Variants in ZNF169 observed in about 807,000 individuals in gnomAD.
ZNF169 encodes zinc finger protein 169.
A neutral mutation model predicts 12.0 loss-of-function variants in ZNF169; 11 were observed. The ratio of observed to expected loss-of-function variants is 0.92; its 90% CI spans 0.58 to 1.52. The LOEUF (loss-of-function observed/expected upper bound fraction) is 1.52. Ranked by LOEUF, ZNF169 falls within the 40% of genes most tolerant of loss-of-function variation. The probability of loss-of-function intolerance (pLI) is 0.00; values close to 1 mark genes in which losing one functional copy is unlikely to be tolerated. For missense variants in ZNF169, 722 were observed against 744.0 expected (o/e 0.97, Z 0.34); for synonymous variants, 302 against 286.5 (o/e 1.05, Z -0.55).
chr9:94,300,586 A>G lies in ZNF169; in HGVS notation c.1028A>G (p.Glu343Gly). The stretch of plus-strand genomic sequence containing the variant: ...CTACACCAGAGGACGCACTTGGAGG[A>G]GAAGCCCTTCGTGTGTCCTGAGTGT... ...LLLHQRTHLEEKPFVCPECGR... is the reference protein window; with the variant it reads ...LLLHQRTHLEGKPFVCPECGR... Residue 343 changes from glutamate to glycine, a missense_variant, in exon 5 of 5, where the codon GAG (glutamate) becomes GGG (glycine). Glu to Gly is a moderately conservative substitution (Grantham distance 98). Transcript: ENST00000395395. 2 of 1,614,178 alleles carry G rather than the reference A, an allele frequency of 1.2e-6. No individual in the cohort carries two copies. Among genetic ancestry groups the G allele is most frequent in the South Asian group, 1.1e-5 (1 of 91,084 alleles).
At chr9:94,288,597 G>T in intron 2 of ZNF169, 1 of 418,754 alleles carries the variant, frequency 2.4e-6, no homozygotes, top group South Asian at 2.0e-5. Flanking sequence ...TATGACAGGG[G>T]CTCTGGTGCA....
At position 94,300,145 on chromosome 9, in the gene ZNF169, G is replaced by C. The variant is rs754242097; in HGVS notation, c.587G>C (p.Gly196Ala). 6.2e-7 allele frequency: 1 copy of C among 1,614,160 alleles called. No individual in the cohort carries two copies. The highest frequency in any genetic ancestry group is 1.3e-5 in the African/African-American group (1 of 75,050). The change falls in exon 5 of 5, where the codon GGG becomes GCG. Residue 196 changes from glycine (G) to alanine (A), a missense_variant. Physicochemically the swap from Gly to Ala is moderately conservative, Grantham distance 60. Coordinates refer to ENST00000395395, the MANE Select transcript of ZNF169 (RefSeq NM_194320.4). The part of the protein sequence containing the change: ...LRLAQRMSLG[G>A]SDTMLKGADT... Reference sequence around the variant, plus strand: ...CTGGCCCAAAGGATGAGTCTTGGGGGGTCAGACACAATGTTGAAGGGAGCA... The same window carrying C: ...CTGGCCCAAAGGATGAGTCTTGGGGCGTCAGACACAATGTTGAAGGGAGCA...
chr9:94,282,383 C>T (rs1202845361), intron 2 of ZNF169, among the ~76,000 whole-genome samples: 3 of 152,092 alleles, frequency 2.0e-5, no homozygotes, highest in Non-Finnish European at 4.4e-5. Context: ...CATGCGACGA[C>T]GTCAATCAAT....
intron 2 of ZNF169, among the ~76,000 whole-genome samples, chr9:94,282,358 T>C (rs1333403136): frequency 1.3e-5 from 2 of 152,188 alleles, no homozygotes; most frequent in Admixed American, 6.5e-5. Context: ...CTTAGTTTTA[T>C]ACATTTTAGG....
At chr9:94,265,198 G>A (rs919158042) in intron 1 of ZNF169, among the ~76,000 whole-genome samples, 5 of 151,836 alleles carry the variant, frequency 3.3e-5, no homozygotes, top group Admixed American at 1.3e-4. Context: ...GCCCAATAAC[G>A]AGATGCAGAT....
At chr9:94,292,750 A>G in intron 3 of ZNF169, 2 of 615,738 alleles carry the variant, frequency 3.2e-6, no homozygotes, top group Non-Finnish European at 5.7e-6. Flanking sequence ...AAGGAGGAAT[A>G]TTTTTATTGA....
At chr9:94,279,275 C>T (rs896250352) in intron 2 of ZNF169, among the ~76,000 whole-genome samples, 1 of 151,944 alleles carries the variant, frequency 6.6e-6, no homozygotes, top group Non-Finnish European at 1.5e-5. Context: ...CCTGTAATCC[C>T]AGCTACTAGG....
intron 1 of ZNF169, among the ~76,000 whole-genome samples, chr9:94,272,020 G>T (rs1399510091): frequency 6.6e-6 from 1 of 152,070 alleles, no homozygotes; most frequent in Non-Finnish European, 1.5e-5. Context: ...CAGATGTAGG[G>T]CCACTCAAAA....
chr9:94,291,400 T>C (rs2118639225), intron 2 of ZNF169, among the ~76,000 whole-genome samples: 1 of 152,278 alleles, frequency 6.6e-6, no homozygotes, highest in South Asian at 2.1e-4. Context: ...CTTCCATGAT[T>C]GGGAACAAAC....
At chr9:94,296,774 T>G (rs1381842750) in intron 4 of ZNF169, 1 of 457,028 alleles carries the variant, frequency 2.2e-6, no homozygotes, top group Non-Finnish European at 4.4e-6. Flanking sequence ...TATTAGGTCT[T>G]GAACTCACTG....
chr9:94,293,222 C>T (rs186536131), intron 4 of ZNF169, 153 bp downstream of exon 4: 44 of 701,526 alleles, frequency 6.3e-5, no homozygotes, highest in African/African-American at 4.7e-4. Flanking sequence ...CTGCCTTCCA[C>T]ACTGTGTGCC....
At chr9:94,270,739 A>T (rs1215862105) in intron 1 of ZNF169, among the ~76,000 whole-genome samples, 2 of 11,992 alleles carry the variant, frequency 1.7e-4, no homozygotes, top group East Asian at 2.8e-3. Context: ...TTATATAATT[A>T]ATGTATTTAT....
At chr9:94,292,610 TGTGTG>T in intron 3 of ZNF169, 143 bp downstream of exon 3, 1 of 319,232 alleles carries the variant, frequency 3.1e-6, no homozygotes, top group Non-Finnish European at 4.9e-6. Flanking sequence ...AGTGCAGTTG[TGTGTG>T]TGTGTGTGTG....
intron 2 of ZNF169, among the ~76,000 whole-genome samples, chr9:94,281,545 A>G (rs1034592908): frequency 6.6e-6 from 1 of 152,180 alleles, no homozygotes; most frequent in Non-Finnish European, 1.5e-5. Flanking sequence ...TAACTCTGTA[A>G]AATATTTTTA....
intron 1 of ZNF169, among the ~76,000 whole-genome samples, chr9:94,270,670 CTATATAAATA>C (rs1030569758): frequency 2.3e-5 from 2 of 86,598 alleles, no homozygotes; most frequent in Admixed American, 3.7e-4. Flanking sequence ...AATATATATA[CTATATAAATA>C]TATATAAATA....
At chr9:94,268,326 A>G (rs1830329343) in intron 1 of ZNF169, among the ~76,000 whole-genome samples, 1 of 152,188 alleles carries the variant, frequency 6.6e-6, no homozygotes, top group Non-Finnish European at 1.5e-5. Flanking sequence ...TATTACTGAT[A>G]ACATACACTA....
In ZNF169 at chr9:94,271,580, C is replaced by T. The variant is rs896785539; in HGVS notation, c.-55-7178C>T. Among the ~76,000 whole-genome samples the T allele has an allele frequency of 4.0e-5, 6 of 151,818 alleles. No individual in the cohort carries two copies. The East Asian group carries it at 7.8e-4, about 20-fold the overall frequency. On this transcript the variant is annotated intron_variant, in intron 1 of 4. Transcript: ENST00000395395. ...ACTAAAAATACAAAAATTAGCTGGG[C>T]GTGGTGGTGCACACCTGTAGTCCCA...
rs1341028820 is a variant in ZNF169 at position 94,300,765 on chromosome 9, G to A, written c.1207G>A (p.Val403Ile). ...QVTHSGEKPY[V>I]CAECGHSFRQ... ...CACACACTCAGGAGAGAAGCCTTAT[G>A]TCTGTGCTGAGTGTGGGCACAGCTT... is the stretch of plus-strand genomic sequence containing the variant. Residue 403 changes from valine (V) to isoleucine (I), a missense_variant, in exon 5 of 5, where the codon GTC becomes ATC. Physicochemically the swap from Val to Ile is conservative, Grantham distance 29. Transcript: ENST00000395395. The A allele has an allele frequency of 1.2e-6, 2 of 1,612,368 alleles. No homozygotes were observed. The highest frequency in any genetic ancestry group is 2.2e-5 in the South Asian group (2 of 90,990).
At chr9:94,268,196 GAAAC>G (rs1172805199) in intron 1 of ZNF169, among the ~76,000 whole-genome samples, 1 of 152,036 alleles carries the variant, frequency 6.6e-6, no homozygotes, top group Non-Finnish European at 1.5e-5. Flanking sequence ...AAAGAGGACT[GAAAC>G]AAGACAATTG....
Sources: gnomAD v4.1 joint callset for allele counts (sites outside exome capture counted in the v4.1 genomes callset) on GRCh38, gnomAD v4.1.1 for gene constraint, MANE v1.5 for transcripts, NCBI Gene and HGNC (gene_info 2026-07-23, HGNC 2026-07-21) for gene names.